TRIP6: variants seen among roughly 807,000 people sequenced by gnomAD.
The protein encoded by TRIP6 is thyroid hormone receptor interactor 6.
In TRIP6, 33 loss-of-function variants were observed where a neutral mutation model predicts 51.9. The ratio of observed to expected loss-of-function variants is 0.64; its 90% CI spans 0.48 to 0.85. The LOEUF (loss-of-function observed/expected upper bound fraction) is 0.85. TRIP6 is among the 40% of genes least tolerant of loss of function. TRIP6 has a pLI of 0.00. For missense variants in TRIP6, 661 were observed against 652.1 expected, an observed-to-expected ratio of 1.01 and a Z score of -0.15; for synonymous variants, 255 against 275.8, an observed-to-expected ratio of 0.92 and a Z score of 0.75.
chr7:100,868,349 G>A, intron 3 of TRIP6, 116 bp downstream of exon 3: 2 of 1,567,130 alleles, frequency 1.3e-6, no homozygotes, highest in Middle Eastern at 1.9e-4. Context: ...AAGCGTGGCT[G>A]CAAGTACCAA....
chr7:100,867,547 C>A lies in TRIP6; in HGVS notation c.50C>A (p.Ala17Asp), dbSNP rs1226223825. 2 of 1,534,752 alleles carry A rather than the reference C, an allele frequency of 1.3e-6. No homozygotes were observed. Among genetic ancestry groups the A allele is most frequent in the Non-Finnish European group, 1.8e-6 (2 of 1,142,786 alleles). ...CCGAAGCAGCCGGAGCCCGCCAGAG[C>A]CCCTCAGGGGAGGGCGATCCCCCGC... ...LPPKQPEPAR[A>D]PQGRAIPRGT... The change falls in exon 1 of 9, where the codon GCC (alanine) becomes GAC (aspartate). Residue 17 changes from alanine to aspartate, a missense_variant. Physicochemically the swap from Ala to Asp is moderately radical, Grantham distance 126. Coordinates refer to ENST00000200457, the MANE Select transcript of TRIP6 (RefSeq NM_003302.3). This position sits in a 1 kb window ranked among gnomAD's most constrained non-coding sequence, Gnocchi z 5.4.
chr7:100,867,422 T>G lies in TRIP6; in HGVS notation c.-76T>G. 1 of 1,101,298 alleles carries G rather than the reference T, an allele frequency of 9.1e-7. No homozygotes were observed. The highest frequency in any genetic ancestry group is 1.2e-6 in the Non-Finnish European group (1 of 812,264). The allele number at this position is 1,101,298 out of a possible 1,614,324, so 68.2% of individuals were successfully genotyped here. A position where few individuals can be genotyped will look rare whatever the true frequency, so the allele number is the denominator to read the frequency against. ...TTCTTTTCTGGAGTCCCAAACGAGG[T>G]GCGGGACGGAAGAGGGGGTGAAGGC... On this transcript the variant is annotated 5_prime_UTR_variant, in exon 1 of 9. Coordinates refer to ENST00000200457, the MANE Select transcript of TRIP6 (RefSeq NM_003302.3). This position sits in a 1 kb window ranked among gnomAD's most constrained non-coding sequence, Gnocchi z 5.4.
chr7:100,873,080 A>T (rs987454466), intron 8 of TRIP6, 92 bp from the exon 9 acceptor site: 2 of 1,514,454 alleles, frequency 1.3e-6, no homozygotes, highest in Middle Eastern at 2.4e-4. Context: ...TGAACTCCTG[A>T]CCTTGTGATC....
At chr7:100,872,874 G>C in intron 8 of TRIP6, 130 bp downstream of exon 8, 1 of 1,330,958 alleles carries the variant, frequency 7.5e-7, no homozygotes, top group Admixed American at 2.8e-5. Flanking sequence ...TTTTTGAGAC[G>C]GAGTCTTGCT....
At chr7:100,872,822 C>A (rs1815301128) in intron 8 of TRIP6, 78 bp downstream of exon 8, 4 of 1,536,546 alleles carry the variant, frequency 2.6e-6, no homozygotes, top group South Asian at 1.2e-5. Context: ...ACACAGAGGT[C>A]TGGGGTTGAT....
At position 100,867,795 on chromosome 7, in the gene TRIP6, C is replaced by G. The variant is rs547864289; in HGVS notation, c.110-66C>G. On this transcript the variant is annotated intron_variant, in intron 1 of 8. Coordinates refer to ENST00000200457, the MANE Select transcript of TRIP6 (RefSeq NM_003302.3). The surrounding 1 kb of genome is among the most constrained non-coding windows in gnomAD (Gnocchi z 5.4). ...AGGTAACGAGAGGCGGAGAGGGTGG[C>G]TCCTCAAATATACACCCCTCCTGTC... 6 of 1,519,690 alleles carry G rather than the reference C, an allele frequency of 3.9e-6. No homozygotes were observed. The Admixed American group carries it at 6.8e-5, about 17-fold the overall frequency. The allele number at this position is 1,519,690 out of a possible 1,614,324, so 94.1% of individuals were successfully genotyped here. A position where few individuals can be genotyped will look rare whatever the true frequency, so the allele number is the denominator to read the frequency against.
At position 100,867,616 on chromosome 7, in the gene TRIP6, C is replaced by T. The variant is rs1206358596; in HGVS notation, c.109+10C>T. The stretch of plus-strand genomic sequence containing the variant: ...CCGGCCCACGGAGCAGGTAAGGCAG[C>T]CCTTGTGAGACAGAAGAGCCACCCA... On this transcript the variant is annotated intron_variant, in intron 1 of 8. Coordinates refer to ENST00000200457, the MANE Select transcript of TRIP6 (RefSeq NM_003302.3). This position sits in a 1 kb window ranked among gnomAD's most constrained non-coding sequence, Gnocchi z 5.4. 5.2e-6 allele frequency: 8 copies of T among 1,542,928 alleles called. No individual in the cohort carries two copies. Among genetic ancestry groups the T allele is most frequent in the Non-Finnish European group, 6.1e-6 (7 of 1,148,438 alleles).
chr7:100,872,612 C>CT lies in TRIP6; in HGVS notation c.1179-10dup, dbSNP rs1815297136. The stretch of plus-strand genomic sequence containing the variant: ...AAGGCTTGATGGCCTTCTTGGTTCT[C>CT]TTCCCCTGCAGGAAGTTTGCCCCAA... On this transcript the variant is annotated splice_polypyrimidine_tract_variant and intron_variant, in intron 7 of 8. Transcript: ENST00000200457. 6.2e-7 allele frequency: 1 copy of CT among 1,613,784 alleles called. No individual in the cohort carries two copies. Among genetic ancestry groups the CT allele is most frequent in the Admixed American group, 1.7e-5 (1 of 59,976 alleles).
intron 7 of TRIP6, 112 bp downstream of exon 7, chr7:100,871,833 C>CTT: frequency 7.5e-7 from 1 of 1,340,306 alleles, no homozygotes; most frequent in South Asian, 1.4e-5. Flanking sequence ...CTCCTTCGTT[C>CTT]TTTGTTATTG....
At chr7:100,871,979 G>A (rs566817718) in intron 7 of TRIP6, among the ~76,000 whole-genome samples, 20 of 150,908 alleles carry the variant, frequency 1.3e-4, no homozygotes, top group Admixed American at 4.0e-4. Context: ...GGGACTACGG[G>A]TGCACACGCC....
chr7:100,870,573 G>A lies in TRIP6; in HGVS notation c.830-1G>A. Reference sequence around the variant, plus strand: ...CTGATGCTGTTTCTCCCTGTCCTCAGGCCAGTGTGGTGGCTGCGGAGAAGA... The same window carrying A: ...CTGATGCTGTTTCTCCCTGTCCTCAAGCCAGTGTGGTGGCTGCGGAGAAGA... On this transcript the variant is annotated splice_acceptor_variant, in intron 5 of 8. Coordinates refer to ENST00000200457, the MANE Select transcript of TRIP6 (RefSeq NM_003302.3). LOFTEE classifies it high-confidence loss of function. 6.2e-7 allele frequency: 1 copy of A among 1,613,842 alleles called. No individual in the cohort carries two copies. Among genetic ancestry groups the A allele is most frequent in the Non-Finnish European group, 8.5e-7 (1 of 1,179,808 alleles).
chr7:100,869,424 C>T (rs1018707989), intron 4 of TRIP6, among the ~76,000 whole-genome samples: 15 of 149,590 alleles, frequency 1.0e-4, no homozygotes, highest in African/African-American at 2.2e-4. Flanking sequence ...CCTGAGGTCA[C>T]GAGTTCGAGA....
chr7:100,873,225 G>A lies in TRIP6; in HGVS notation c.1353G>A (p.Leu451=). The change falls in exon 9 of 9, where the codon CTG becomes CTA. Residue 451 remains leucine (L), a synonymous_variant. Coordinates refer to ENST00000200457, the MANE Select transcript of TRIP6 (RefSeq NM_003302.3). ...GCGAGTGTCAGGGCTGCTACCCGCTGGATGGGCACATCTTGTGCAAGGCCT... is the reference window on the plus strand; with the variant it reads ...GCGAGTGTCAGGGCTGCTACCCGCTAGATGGGCACATCTTGTGCAAGGCCT... ...SEGECQGCYP[L]DGHILCKACS... 1 of 1,613,866 alleles carries A rather than the reference G, an allele frequency of 6.2e-7. No homozygotes were observed. Among genetic ancestry groups the A allele is most frequent in the Non-Finnish European group, 8.5e-7 (1 of 1,179,866 alleles).
Position 100,868,106 on chromosome 7 carries a change from A to AG in TRIP6, c.240dup. 1 of 1,612,936 alleles carries AG rather than the reference A, an allele frequency of 6.2e-7. No homozygotes were observed. The highest frequency in any genetic ancestry group is 8.5e-7 in the Non-Finnish European group (1 of 1,179,666). On this transcript the variant is annotated splice_acceptor_variant, in intron 2 of 8. Coordinates refer to ENST00000200457, the MANE Select transcript of TRIP6 (RefSeq NM_003302.3). LOFTEE classifies it high-confidence loss of function. The stretch of plus-strand genomic sequence containing the variant: ...TTCTTCCTGCCCTGGCTCCATCCTC[A>AG]GGGGCTCCCTGCAGACAGGGGGGGC...
Position 100,871,547 on chromosome 7 carries a change from C to T in TRIP6, c.1004C>T (p.Thr335Ile), listed in dbSNP as rs1815268081. 6.2e-7 allele frequency: 1 copy of T among 1,613,440 alleles called. No homozygotes were observed. Among genetic ancestry groups the T allele is most frequent in the Non-Finnish European group, 8.5e-7 (1 of 1,179,716 alleles). Residue 335 changes from threonine (T) to isoleucine (I), a missense_variant, in exon 7 of 9, where the codon ACC becomes ATC. Coordinates refer to ENST00000200457, the MANE Select transcript of TRIP6 (RefSeq NM_003302.3). Reference protein sequence around the residue: ...RAYCEGCYVATLEKCATCSQP... With the variant: ...RAYCEGCYVAILEKCATCSQP... Reference sequence around the variant, plus strand: ...TCCTGCCTTCCTTCCCAACAGGCCACCCTGGAGAAATGTGCCACGTGCTCC... The same window carrying T: ...TCCTGCCTTCCTTCCCAACAGGCCATCCTGGAGAAATGTGCCACGTGCTCC...
Position 100,867,477 on chromosome 7 carries a change from T to C in TRIP6, c.-21T>C. The C allele has an allele frequency of 7.0e-7, 1 of 1,437,176 alleles. No individual in the cohort carries two copies. The highest frequency in any genetic ancestry group is 2.8e-5 in the East Asian group (1 of 35,486). The allele number at this position is 1,437,176 out of a possible 1,614,324, so 89.0% of individuals were successfully genotyped here. On this transcript the variant is annotated 5_prime_UTR_variant, in exon 1 of 9. Transcript: ENST00000200457. This position sits in a 1 kb window ranked among gnomAD's most constrained non-coding sequence, Gnocchi z 5.4. ...GGCTCGGGGCTTCAAGACCGCTGTCTGGAGTCCCCCTTTCCAGGCCATGTC... is the reference window on the plus strand; with the variant it reads ...GGCTCGGGGCTTCAAGACCGCTGTCCGGAGTCCCCCTTTCCAGGCCATGTC...
rs1815268792 is a variant in TRIP6, at chr7:100,871,561, G to A, written c.1018G>A (p.Ala340Thr). The A allele has an allele frequency of 6.2e-7, 1 of 1,613,892 alleles. No homozygotes were observed. The highest frequency in any genetic ancestry group is 2.2e-5 in the East Asian group (1 of 44,880). ...CCAACAGGCCACCCTGGAGAAATGTGCCACGTGCTCCCAGCCCATCCTGGA... is the reference window on the plus strand; with the variant it reads ...CCAACAGGCCACCCTGGAGAAATGTACCACGTGCTCCCAGCCCATCCTGGA... ...GCYVATLEKC[A>T]TCSQPILDRI... The change falls in exon 7 of 9, where the codon GCC becomes ACC. Residue 340 changes from alanine (A) to threonine (T), a missense_variant. Ala to Thr is a moderately conservative substitution (Grantham distance 58, BLOSUM62 0). Coordinates refer to ENST00000200457, the MANE Select transcript of TRIP6 (RefSeq NM_003302.3).
At chr7:100,869,559 G>A (rs986512020) in intron 4 of TRIP6, among the ~76,000 whole-genome samples, 1 of 149,494 alleles carries the variant, frequency 6.7e-6, no homozygotes, top group Non-Finnish European at 1.5e-5. Context: ...TTGAACCTGG[G>A]AGGTGGAGGT....
chr7:100,873,304 G>A lies in TRIP6; in HGVS notation c.*1G>A. ...AGCCACCGTCACCACTGACTGCTGA[G>A]TCTTCCTAGAAGTACCTGCTGGGTT... On this transcript the variant is annotated 3_prime_UTR_variant, in exon 9 of 9. Transcript: ENST00000200457. The A allele has an allele frequency of 6.2e-7, 1 of 1,604,094 alleles. No homozygotes were observed. Among genetic ancestry groups the A allele is most frequent in the Non-Finnish European group, 8.5e-7 (1 of 1,172,448 alleles).
Sources: gnomAD v4.1 joint callset for allele counts (sites outside exome capture counted in the v4.1 genomes callset) on GRCh38, gnomAD v4.1.1 for gene constraint, Gnocchi (gnomAD v3.1) non-coding constraint, MANE v1.5 for transcripts, NCBI Gene and HGNC (gene_info 2026-07-23, HGNC 2026-07-21) for gene names.